COL6A2: variants seen among roughly 807,000 people sequenced by gnomAD.
COL6A2 encodes the protein collagen type VI alpha 2 chain, also known as collagen alpha-2(VI) chain.
COL6A2 carries 90 observed loss-of-function variants against 124.9 expected under a neutral mutation model. The observed-to-expected ratio is 0.72, with a 90% CI of 0.61 to 0.86. COL6A2 has a LOEUF of 0.86. COL6A2 is among the 40% of genes least tolerant of loss of function. The pLI, the probability that COL6A2 is intolerant of heterozygous loss-of-function variation, is 0.00. For synonymous variants in COL6A2, 793 were observed against 618.2 expected (o/e 1.28, Z -4.19); for missense variants, 1,607 against 1,502.5 (o/e 1.07, Z -1.15).
chr21:46,125,042 A>C (rs894190306), intron 23 of COL6A2, 122 bp downstream of exon 23: 2 of 1,305,876 alleles, frequency 1.5e-6, no homozygotes, highest in Non-Finnish European at 2.2e-6. Context: ...AGGAGGTCAG[A>C]GGGCAAGGTC....
intron 27 of COL6A2, among the ~76,000 whole-genome samples, chr21:46,128,070 CAGGGTGACGTGGGCCTCGT>C (rs1157794910): frequency 6.6e-6 from 1 of 152,212 alleles, no homozygotes; most frequent in African/African-American, 2.4e-5. Context: ...GTTCTGGCCT[CAGGGTGACGTGGGCCTCGT>C]AGGGTCCTGT....
intron 1 of COL6A2, among the ~76,000 whole-genome samples, chr21:46,107,148 T>C (rs1236630037): frequency 6.6e-6 from 1 of 152,176 alleles, no homozygotes; most frequent in East Asian, 1.9e-4. Context: ...TTCTTACTAG[T>C]GTAAATAGCA....
In COL6A2 at chr21:46,124,724, G is replaced by A; in HGVS notation, c.1734+11G>A. 6.2e-7 allele frequency: 1 copy of A among 1,612,346 alleles called. No homozygotes were observed. The highest frequency in any genetic ancestry group is 2.2e-5 in the East Asian group (1 of 44,858). On this transcript the variant is annotated intron_variant, in intron 22 of 27. Transcript: ENST00000300527. ...GTCCCAGGACCCGAGGTAGGTTGGT[G>A]GCCAGTCCCCATGCCCTCCCCCCAA...
chr21:46,121,005 A>G, intron 16 of COL6A2, 56 bp from the exon 17 acceptor site: 1 of 1,519,932 alleles, frequency 6.6e-7, no homozygotes, highest in Non-Finnish European at 9.1e-7. Flanking sequence ...GATACTGGGG[A>G]CTCCAGGGTG....
chr21:46,132,261 C>T lies in COL6A2; in HGVS notation c.2769C>T (p.His923=), dbSNP rs140419176. The change falls in exon 28 of 28, where the codon CAC becomes CAT. Residue 923 remains histidine, a synonymous_variant. Coordinates refer to ENST00000300527, the MANE Select transcript of COL6A2 (RefSeq NM_001849.4). ...CGCACGTGGGCGCAGGCGTGGTGCA[C>T]GCCATCAATGCCATCGTGCGCAGCC... ...SFSHVGAGVV[H]AINAIVRSPR... 14,647 of 1,606,208 alleles carry T rather than the reference C, an allele frequency of 9.1e-3. 83 individuals are homozygous for T. Among genetic ancestry groups the T allele is most frequent in the Non-Finnish European group, 0.011 (13,499 of 1,178,432 alleles).
At chr21:46,119,164 C>A in intron 14 of COL6A2, 45 bp downstream of exon 14, 1 of 1,444,624 alleles carries the variant, frequency 6.9e-7, no homozygotes, top group Non-Finnish European at 9.6e-7. Context: ...TCTGGGCATC[C>A]TCCTTGCAGC....
At chr21:46,113,777 T>C in intron 4 of COL6A2, 1 of 597,284 alleles carries the variant, frequency 1.7e-6, no homozygotes, top group Non-Finnish European at 3.0e-6. Context: ...TTTTTAAACT[T>C]GCCTAGAACA....
intron 11 of COL6A2, 37 bp downstream of exon 11, chr21:46,117,490 C>A (rs1266834684): frequency 3.1e-6 from 5 of 1,606,526 alleles, no homozygotes; most frequent in Non-Finnish European, 4.3e-6. Flanking sequence ...AGCCTCGGCC[C>A]AGGGGGTGTG....
At chr21:46,118,264 C>T (rs183434452) in intron 12 of COL6A2, among the ~76,000 whole-genome samples, 31 of 152,216 alleles carry the variant, frequency 2.0e-4, no homozygotes, top group African/African-American at 7.0e-4. Flanking sequence ...CCTCCTGGGC[C>T]GCCTGCAGTG....
chr21:46,119,929 C>A (rs2078534221), intron 15 of COL6A2, 79 bp downstream of exon 15: 3 of 1,289,274 alleles, frequency 2.3e-6, no homozygotes, highest in Admixed American at 4.0e-5. Context: ...CAACCCCATT[C>A]CTCCCAGAGA....
At chr21:46,110,633 C>T (rs1046830143) in intron 1 of COL6A2, among the ~76,000 whole-genome samples, 2 of 152,168 alleles carry the variant, frequency 1.3e-5, no homozygotes, top group African/African-American at 4.8e-5. Context: ...AGTCCCGGTG[C>T]TTGGACACTC....
chr21:46,117,109 A>G lies in COL6A2; in HGVS notation c.1000-291A>G, dbSNP rs953740164. Reference sequence around the variant, plus strand: ...CCACTCCCAGGTCAAACCACAGGACAGCCCCACCCACTCCTTCCATGGCTC... The same window carrying G: ...CCACTCCCAGGTCAAACCACAGGACGGCCCCACCCACTCCTTCCATGGCTC... On this transcript the variant is annotated intron_variant, in intron 10 of 27. Transcript: ENST00000300527. Among the ~76,000 whole-genome samples the G allele has an allele frequency of 3.3e-4, 50 of 152,198 alleles. 1 individual carries two copies. The highest frequency in any genetic ancestry group is 1.2e-4 in the Non-Finnish European group (8 of 68,010).
Position 46,132,296 on chromosome 21 carries a change from G to A in COL6A2, c.2804G>A (p.Gly935Glu), listed in dbSNP as rs780505425. The A allele has an allele frequency of 7.5e-6, 12 of 1,605,988 alleles. No individual in the cohort carries two copies. The East Asian group carries it at 2.0e-4, about 27-fold the overall frequency. Residue 935 changes from glycine (G) to glutamate (E), a missense_variant, in exon 28 of 28, where the codon GGG (glycine) becomes GAG (glutamate). This residue lies in a region of COL6A2 where 1,223 missense variants were observed against 1,052.2 expected (regional missense o/e 1.16). Transcript: ENST00000300527. ...INAIVRSPRG[G>E]ARRHAELSFV... ...GCCATCGTGCGCAGCCCGCGTGGCG[G>A]GGCCCGGAGGCACGCAGAGCTGTCC...
At chr21:46,130,941 A>G (rs897588258) in intron 27 of COL6A2, among the ~76,000 whole-genome samples, 1 of 152,242 alleles carries the variant, frequency 6.6e-6, no homozygotes, top group Non-Finnish European at 1.5e-5. Flanking sequence ...GCTGCGGTGC[A>G]GCGTGAGGTC....
intron 24 of COL6A2, 29 bp from the exon 25 acceptor site, chr21:46,125,436 A>AC (rs748509929): frequency 1.3e-5 from 20 of 1,503,754 alleles, no homozygotes; most frequent in Middle Eastern, 1.7e-4. Context: ...TCTCCCCGGT[A>AC]CCCCCCGATG....
intron 17 of COL6A2, 59 bp downstream of exon 17, chr21:46,121,182 C>A: frequency 6.6e-7 from 1 of 1,506,376 alleles, no homozygotes; most frequent in Non-Finnish European, 9.2e-7. Flanking sequence ...CTCCCCTATC[C>A]ATGTGGGGAC....
chr21:46,131,249 C>T (rs573675979), intron 27 of COL6A2, among the ~76,000 whole-genome samples: 3 of 152,340 alleles, frequency 2.0e-5, no homozygotes, highest in South Asian at 2.1e-4. Flanking sequence ...GACACCCACA[C>T]GTGTGGTAGG....
chr21:46,126,174 A>T lies in COL6A2; in HGVS notation c.2359A>T (p.Thr787Ser), dbSNP rs2078663995. Reference protein sequence around the residue: ...CDKPQQVRNMTLFSDLVAEKF... With the variant: ...CDKPQQVRNMSLFSDLVAEKF... ...CAAGCCACAGCAGGTGCGCAACATG[A>T]CGCTGTTCTCCGACCTGGTCGCTGA... The change falls in exon 26 of 28, where the codon ACG (threonine) becomes TCG (serine). Residue 787 changes from threonine (T) to serine (S), a missense_variant. By Grantham distance (58) the Thr-to-Ser change is moderately conservative. Coordinates refer to ENST00000300527, the MANE Select transcript of COL6A2 (RefSeq NM_001849.4). 1.2e-6 allele frequency: 2 copies of T among 1,608,016 alleles called. No homozygotes were observed. The highest frequency in any genetic ancestry group is 1.7e-6 in the Non-Finnish European group (2 of 1,179,942).
Position 46,111,338 on chromosome 21 carries a change from CTG to C in COL6A2, c.-27-111_-27-110del. On this transcript the variant is annotated intron_variant, in intron 1 of 27. Coordinates refer to ENST00000300527, the MANE Select transcript of COL6A2 (RefSeq NM_001849.4). ...GGCGCAGACCCCGCTTCCTTGAAGACTGAGGGCAGTGCCCCCAATCCCGCTGA... is the reference window on the plus strand; with the variant it reads ...GGCGCAGACCCCGCTTCCTTGAAGACAGGGCAGTGCCCCCAATCCCGCTGA... 1.2e-5 allele frequency: 8 copies of C among 644,162 alleles called. 1 individual carries two copies. In the South Asian group the frequency reaches 1.4e-4, roughly 11 times the overall value. The allele number at this position is 644,162 out of a possible 1,614,324, so 39.9% of individuals were successfully genotyped here. A position where few individuals can be genotyped will look rare whatever the true frequency, so the allele number is the denominator to read the frequency against.
Sources: allele counts gnomAD v4.1 joint callset (sites outside exome capture counted in the v4.1 genomes callset), GRCh38; gene constraint gnomAD v4.1.1; regional missense constraint gnomAD v4.1.1; transcripts MANE v1.5; gene names NCBI Gene and HGNC (gene_info 2026-07-23, HGNC 2026-07-21).